NATD1: variants seen among roughly 807,000 people sequenced by gnomAD.
The protein encoded by NATD1 is protein NATD1.
A neutral mutation model predicts 12.0 loss-of-function variants in NATD1; 9 were observed. That is an observed-to-expected ratio of 0.75 (90% confidence interval 0.45 to 1.30). The LOEUF (loss-of-function observed/expected upper bound fraction) is 1.30. Among genes scored for constraint, NATD1 ranks in the 50% most tolerant of loss-of-function variants. The probability of loss-of-function intolerance (pLI) is 0.00; values close to 1 mark genes in which losing one functional copy is unlikely to be tolerated. For synonymous variants in NATD1, 71 were observed against 65.9 expected, an observed-to-expected ratio of 1.08 and a Z score of -0.37; for missense variants, 148 against 148.5, an observed-to-expected ratio of 1.00 and a Z score of 0.02.
rs1463466649 is a variant in NATD1, at chr17:21,241,343, TTGGGGAGGGACGTGTAGA to T, written c.*1952_*1969del. The T allele has an allele frequency of 6.6e-6, 1 of 152,424 alleles. No homozygotes were observed. Among genetic ancestry groups the T allele is most frequent in the Admixed American group, 6.5e-5 (1 of 15,284 alleles). 9.4% of individuals were successfully genotyped at this position (152,424 alleles called of 1,614,324 possible). On this transcript the variant is annotated 3_prime_UTR_variant, in exon 3 of 3. Coordinates refer to ENST00000611551, the MANE Select transcript of NATD1 (RefSeq NM_152914.3). The stretch of plus-strand genomic sequence containing the variant: ...GTCATGATTGACTATGTGCTTGAAC[TTGGGGAGGGACGTGTAGA>T]TGGGAAGGGGGTGACCTTAGGGAGG...
rs1376650637 is a variant in NATD1 at position 21,243,424 on chromosome 17, G to C, written c.231C>G (p.Ala77=). ...RGIAKHLAKA[A]LDFVVEEDLK... ...GGTCCTCCTCCACCACGAAGTCCAG[G>C]GCGGCCTGGGAGCCGGGCAGAGAGG... Residue 77 remains alanine, a synonymous_variant, in exon 3 of 3, where the codon GCC becomes GCG. Transcript: ENST00000611551. 2 of 1,612,430 alleles carry C rather than the reference G, an allele frequency of 1.2e-6. No homozygotes were observed. The highest frequency in any genetic ancestry group is 1.7e-6 in the Non-Finnish European group (2 of 1,179,862).
intron 1 of NATD1, among the ~76,000 whole-genome samples, chr17:21,250,366 CAT>C (rs766062805): frequency 2.6e-5 from 4 of 152,192 alleles, no homozygotes; most frequent in East Asian, 1.9e-4. Flanking sequence ...TTCCTAGACA[CAT>C]GATTGTAAAT....
intron 1 of NATD1, among the ~76,000 whole-genome samples, chr17:21,247,961 G>C (rs192956930): frequency 6.6e-6 from 1 of 152,182 alleles, no homozygotes; most frequent in Admixed American, 6.5e-5. Context: ...TGAGAGTCAC[G>C]GAGGTGTATG....
At chr17:21,252,543 C>T (rs1283606397) in intron 1 of NATD1, among the ~76,000 whole-genome samples, 10 of 152,294 alleles carry the variant, frequency 6.6e-5, no homozygotes, top group Admixed American at 5.9e-4. Flanking sequence ...AATGGCCAGT[C>T]CCAGAGCCAC....
At chr17:21,243,472 G>A (rs574670923) in intron 2 of NATD1, 43 bp from the exon 3 acceptor site, 26 of 1,499,986 alleles carry the variant, frequency 1.7e-5, no homozygotes, top group Middle Eastern at 1.7e-4. Context: ...GCCTGCAGCC[G>A]GCACCAGAAG....
At chr17:21,249,481 C>T (rs1024277447) in intron 1 of NATD1, among the ~76,000 whole-genome samples, 1 of 152,164 alleles carries the variant, frequency 6.6e-6, no homozygotes, top group African/African-American at 2.4e-5. Context: ...AGCCAGCGGC[C>T]TCATATTGGG....
Position 21,239,303 on chromosome 17 carries a change from C to T in NATD1, c.*4010G>A, listed in dbSNP as rs1241559402. Reference sequence around the variant, plus strand: ...TTGTATCTGTTTATTGCTTTTAAGGCTGTCATGAGCAGACATAAGACCTCA... The same window carrying T: ...TTGTATCTGTTTATTGCTTTTAAGGTTGTCATGAGCAGACATAAGACCTCA... On this transcript the variant is annotated 3_prime_UTR_variant, in exon 3 of 3. Transcript: ENST00000611551. The T allele has an allele frequency of 6.6e-6, 1 of 152,184 alleles. No individual in the cohort carries two copies. The highest frequency in any genetic ancestry group is 1.9e-4 in the East Asian group (1 of 5,186). 9.4% of individuals were successfully genotyped at this position (152,184 alleles called of 1,614,324 possible).
chr17:21,251,717 C>A (rs1297679778), intron 1 of NATD1, among the ~76,000 whole-genome samples: 2 of 152,224 alleles, frequency 1.3e-5, no homozygotes, highest in African/African-American at 4.8e-5. Context: ...GGAGATCTGG[C>A]AGAGGCCCCT....
intron 1 of NATD1, among the ~76,000 whole-genome samples, chr17:21,245,231 G>A (rs1359609082): frequency 6.6e-6 from 1 of 152,114 alleles, no homozygotes; most frequent in Non-Finnish European, 1.5e-5. Flanking sequence ...CGCTGGAGTG[G>A]GGTGGGTGAG....
At chr17:21,251,305 A>AC (rs1555544848) in intron 1 of NATD1, among the ~76,000 whole-genome samples, 3 of 151,738 alleles carry the variant, frequency 2.0e-5, no homozygotes, top group Admixed American at 6.6e-5. Context: ...AAAAAAAAAA[A>AC]AAAAAACAAA....
chr17:21,249,008 G>A (rs1383134757), intron 1 of NATD1, among the ~76,000 whole-genome samples: 2 of 152,154 alleles, frequency 1.3e-5, no homozygotes, highest in African/African-American at 2.4e-5. Context: ...CTGGGTCTCT[G>A]CACCCCCATG....
At chr17:21,252,902 G>A (rs1975391652) in intron 1 of NATD1, among the ~76,000 whole-genome samples, 1 of 151,792 alleles carries the variant, frequency 6.6e-6, no homozygotes. Context: ...CTCCCGGGAA[G>A]TCTGCCCCCG....
rs1975253943 is a variant in NATD1 at position 21,240,177 on chromosome 17, G to A, written c.*3136C>T. On this transcript the variant is annotated 3_prime_UTR_variant, in exon 3 of 3. Transcript: ENST00000611551. ...AGGCTTTTGTGCCTGGAGGTGGCAG[G>A]GAACTGTGGTGTGGGGGCTGGGCCA... 1 of 152,402 alleles carries A rather than the reference G, an allele frequency of 6.6e-6. No homozygotes were observed. The allele number at this position is 152,402 out of a possible 1,614,324, so 9.4% of individuals were successfully genotyped here.
intron 1 of NATD1, among the ~76,000 whole-genome samples, chr17:21,252,944 C>G (rs968217263): frequency 7.3e-5 from 11 of 151,546 alleles, no homozygotes; most frequent in African/African-American, 2.7e-4. Flanking sequence ...GAGCGCCGGC[C>G]GCGCCCCCAC....
At chr17:21,252,577 TC>T (rs1316871284) in intron 1 of NATD1, among the ~76,000 whole-genome samples, 2 of 151,668 alleles carry the variant, frequency 1.3e-5, no homozygotes, top group Non-Finnish European at 2.9e-5. Flanking sequence ...GTGATAGCCA[TC>T]CCCCCGCCCC....
At position 21,253,265 on chromosome 17, in the gene NATD1, C is replaced by G. The variant is rs1271585214; in HGVS notation, c.-1G>C. 2 of 992,054 alleles carry G rather than the reference C, an allele frequency of 2.0e-6. No homozygotes were observed. Among genetic ancestry groups the G allele is most frequent in the Non-Finnish European group, 2.4e-6 (2 of 835,454 alleles). The allele number at this position is 992,054 out of a possible 1,614,324, so 61.5% of individuals were successfully genotyped here. Reference sequence around the variant, plus strand: ...GCACGGCGGCAGCCGAGTGCGCCATCTGCGCGCGGGGCTGCGGCGCGGCGC... The same window carrying G: ...GCACGGCGGCAGCCGAGTGCGCCATGTGCGCGCGGGGCTGCGGCGCGGCGC... On this transcript the variant is annotated 5_prime_UTR_variant, in exon 1 of 3. Coordinates refer to ENST00000611551, the MANE Select transcript of NATD1 (RefSeq NM_152914.3).
rs530226786 is a variant in NATD1, at chr17:21,242,413, T to C, written c.*900A>G. On this transcript the variant is annotated 3_prime_UTR_variant, in exon 3 of 3. Coordinates refer to ENST00000611551, the MANE Select transcript of NATD1 (RefSeq NM_152914.3). ...CTTCCTCTTGGATGCTGAGGGTGGT[T>C]TTTGGAGAATAGTCAGCTTCACTCC... 6.6e-6 allele frequency: 1 copy of C among 152,288 alleles called. No homozygotes were observed. Among genetic ancestry groups the C allele is most frequent in the Non-Finnish European group, 1.5e-5 (1 of 68,030 alleles). 9.4% of individuals were successfully genotyped at this position (152,288 alleles called of 1,614,324 possible).
intron 1 of NATD1, among the ~76,000 whole-genome samples, chr17:21,248,903 A>G (rs1975351261): frequency 6.6e-6 from 1 of 151,914 alleles, no homozygotes; most frequent in South Asian, 2.1e-4. Flanking sequence ...GATGATCACT[A>G]CCACCCTCCT....
rs902655074 is a variant in NATD1, at chr17:21,239,392, G to C, written c.*3921C>G. On this transcript the variant is annotated 3_prime_UTR_variant, in exon 3 of 3. Coordinates refer to ENST00000611551, the MANE Select transcript of NATD1 (RefSeq NM_152914.3). Reference sequence around the variant, plus strand: ...GGGCTGGGTCCTGAGCCCTTCTAGCGGTGTGGCTTTGGCTTGTGACCCCCG... The same window carrying C: ...GGGCTGGGTCCTGAGCCCTTCTAGCCGTGTGGCTTTGGCTTGTGACCCCCG... 7.0e-6 allele frequency: 1 copy of C among 142,736 alleles called. No individual in the cohort carries two copies. Among genetic ancestry groups the C allele is most frequent in the African/African-American group, 2.6e-5 (1 of 39,152 alleles). 8.8% of individuals were successfully genotyped at this position (142,736 alleles called of 1,614,324 possible). A position where few individuals can be genotyped will look rare whatever the true frequency, so the allele number is the denominator to read the frequency against.
Sources: allele counts gnomAD v4.1 joint callset (sites outside exome capture counted in the v4.1 genomes callset), GRCh38; gene constraint gnomAD v4.1.1; transcripts MANE v1.5; gene names NCBI Gene and HGNC (gene_info 2026-07-23, HGNC 2026-07-21).